The following GYPE variants were observed in gnomAD, a reference collection of about 807,000 sequenced individuals.
GYPE encodes the protein glycophorin E (MNS blood group), also known as glycophorin-E.
Under a neutral mutation model 11.6 loss-of-function variants are expected in GYPE, and 8 were observed. That is an observed-to-expected ratio of 0.69 (90% CI 0.41 to 1.25). The LOEUF (loss-of-function observed/expected upper bound fraction) is 1.25, where lower values mean the gene tolerates loss of function less well. Ranked by LOEUF, GYPE falls within the 50% of genes most tolerant of loss-of-function variation. GYPE has a pLI of 0.01. For synonymous variants in GYPE, 28 were observed against 29.6 expected, an observed-to-expected ratio of 0.94 and a Z score of 0.18; for missense variants, 90 against 92.8, an observed-to-expected ratio of 0.97 and a Z score of 0.12.
At chr4:143,876,310 C>T (rs1244674620) in intron 3 of GYPE, among the ~76,000 whole-genome samples, 2 of 152,098 alleles carry the variant, frequency 1.3e-5, no homozygotes, top group Non-Finnish European at 2.9e-5. Flanking sequence ...GACTAGGTTT[C>T]ACCTTTTTGC....
At chr4:143,883,826 G>GAA (rs1257323620) in intron 1 of GYPE, among the ~76,000 whole-genome samples, 1 of 146,680 alleles carries the variant, frequency 6.8e-6, no homozygotes, top group Non-Finnish European at 1.5e-5. Context: ...GCTAACATAA[G>GAA]AAAAAAAAAC....
In GYPE at chr4:143,875,572, T is replaced by C. The variant is rs529868407; in HGVS notation, c.*9+1174A>G. 2.6e-6 allele frequency: 4 copies of C among 1,549,902 alleles called. No individual in the cohort carries two copies. In the East Asian group the frequency reaches 9.8e-5, roughly 38 times the overall value. ...GCTTGACCATGAGCTACGCCTCCAC[T>C]TCAGCCTCTGATTGGTCACAGGCCA... On this transcript the variant is annotated intron_variant, in intron 3 of 3. Coordinates refer to ENST00000358615, the MANE Select transcript of GYPE (RefSeq NM_198682.3).
In GYPE at chr4:143,872,546, G is replaced by A. The variant is rs569983548; in HGVS notation, c.*10-294C>T. 2.7e-3 allele frequency among the ~76,000 whole-genome samples: 413 copies of A among 152,102 alleles called. 4 individuals are homozygous for A. Among genetic ancestry groups the A allele is most frequent in the Non-Finnish European group, 2.5e-3 (171 of 67,998 alleles). On this transcript the variant is annotated intron_variant, in intron 3 of 3. Transcript: ENST00000358615. ...GGTAGAAAATGAAAGAGAAATTAAT[G>A]GGAAGGAGGGAAGAAGACTACAAGC...
At chr4:143,875,627 C>G (rs986699823) in intron 3 of GYPE, 37 of 1,480,900 alleles carry the variant, frequency 2.5e-5, no homozygotes, top group Non-Finnish European at 3.0e-5. Flanking sequence ...CAATTGGAGG[C>G]TTCTAAAGGG....
intron 1 of GYPE, among the ~76,000 whole-genome samples, chr4:143,889,420 C>T (rs1032668237): frequency 6.6e-6 from 1 of 152,100 alleles, no homozygotes; most frequent in Non-Finnish European, 1.5e-5. Context: ...CCTGGCTTTG[C>T]CACCAAATGG....
chr4:143,894,880 A>G (rs1744564757), intron 1 of GYPE, among the ~76,000 whole-genome samples: 1 of 152,124 alleles, frequency 6.6e-6, no homozygotes, highest in Non-Finnish European at 1.5e-5. Flanking sequence ...AATCCAGCAT[A>G]TAAACAGAAC....
chr4:143,896,675 A>G (rs1744655227), intron 1 of GYPE, among the ~76,000 whole-genome samples: 2 of 152,196 alleles, frequency 1.3e-5, no homozygotes, highest in Non-Finnish European at 2.9e-5. Context: ...CCAAAGGACT[A>G]TAAATCATGC....
At chr4:143,899,571 T>G (rs1199558408) in intron 1 of GYPE, among the ~76,000 whole-genome samples, 1 of 152,032 alleles carries the variant, frequency 6.6e-6, no homozygotes. Context: ...AATTCAAAAC[T>G]TCTAACCAAG....
At chr4:143,898,420 C>T (rs1744743029) in intron 1 of GYPE, among the ~76,000 whole-genome samples, 1 of 152,010 alleles carries the variant, frequency 6.6e-6, no homozygotes, top group African/African-American at 2.4e-5. Flanking sequence ...CAGGAATAAC[C>T]ATATTAATCT....
chr4:143,878,091 T>A (rs1181692571), intron 2 of GYPE, among the ~76,000 whole-genome samples: 3 of 147,266 alleles, frequency 2.0e-5, no homozygotes, highest in Non-Finnish European at 4.6e-5. Context: ...TATTACCAAA[T>A]TATGTATTTC....
Position 143,897,696 on chromosome 4 carries a change from C to T in GYPE, c.37+7775G>A, listed in dbSNP as rs563791745. 1.1e-4 allele frequency among the ~76,000 whole-genome samples: 16 copies of T among 152,218 alleles called. No homozygotes were observed. In the South Asian group the frequency reaches 3.1e-3, roughly 30 times the overall value. On this transcript the variant is annotated intron_variant, in intron 1 of 3. Transcript: ENST00000358615. ...GAATACCTGGCTGCCAGATCAATAGCATATGAAATACCTGAAATGCACTCA... is the reference window on the plus strand; with the variant it reads ...GAATACCTGGCTGCCAGATCAATAGTATATGAAATACCTGAAATGCACTCA...
At chr4:143,896,228 G>A (rs1414483174) in intron 1 of GYPE, among the ~76,000 whole-genome samples, 3 of 152,050 alleles carry the variant, frequency 2.0e-5, no homozygotes, top group East Asian at 3.9e-4. Flanking sequence ...GCAACCTACA[G>A]AATGGGAGAA....
chr4:143,904,360 G>T, intron 1 of GYPE, among the ~76,000 whole-genome samples: 1 of 152,012 alleles, frequency 6.6e-6, no homozygotes, highest in East Asian at 1.9e-4. Flanking sequence ...TAATCTTTAC[G>T]CAATTATTAT....
intron 2 of GYPE, among the ~76,000 whole-genome samples, chr4:143,879,414 C>T (rs929204339): frequency 3.3e-5 from 5 of 152,106 alleles, no homozygotes; most frequent in African/African-American, 1.2e-4. Context: ...TTAGGCTTTA[C>T]GTACAAAGGT....
intron 1 of GYPE, among the ~76,000 whole-genome samples, chr4:143,895,919 T>G (rs1358584234): frequency 6.6e-6 from 1 of 151,972 alleles, no homozygotes; most frequent in African/African-American, 2.4e-5. Context: ...GGATTCCCTA[T>G]TTAATAAATG....
intron 1 of GYPE, among the ~76,000 whole-genome samples, chr4:143,892,533 G>A (rs1744448474): frequency 6.6e-6 from 1 of 151,580 alleles, no homozygotes; most frequent in Non-Finnish European, 1.5e-5. Context: ...TGGTTTCAAA[G>A]AACATCTTTA....
At chr4:143,873,060 AAAAC>A (rs1743672113) in intron 3 of GYPE, among the ~76,000 whole-genome samples, 1 of 152,184 alleles carries the variant, frequency 6.6e-6, no homozygotes, top group Non-Finnish European at 1.5e-5. Flanking sequence ...GGGAATATAA[AAAAC>A]AAGAGTAGAG....
At chr4:143,877,937 T>C (rs1333709832) in intron 2 of GYPE, among the ~76,000 whole-genome samples, 2 of 147,154 alleles carry the variant, frequency 1.4e-5, no homozygotes, top group African/African-American at 5.0e-5. Flanking sequence ...TGAAATACAG[T>C]ACCAGTTAAT....
At chr4:143,875,632 A>G (rs1299531591) in intron 3 of GYPE, 1 of 1,467,290 alleles carries the variant, frequency 6.8e-7, no homozygotes, top group African/African-American at 1.4e-5. Context: ...GGAGGCTTCT[A>G]AAGGGTACCT....
Sources: allele counts gnomAD v4.1 joint callset (sites outside exome capture counted in the v4.1 genomes callset), GRCh38; gene constraint gnomAD v4.1.1; transcripts MANE v1.5; gene names NCBI Gene and HGNC (gene_info 2026-07-23, HGNC 2026-07-21).